Variants in PIP5K1B observed in about 807,000 individuals in gnomAD.
The protein encoded by PIP5K1B is phosphatidylinositol-4-phosphate 5-kinase type 1 beta.
PIP5K1B carries 42 observed loss-of-function variants against 67.0 expected under a neutral mutation model. The ratio of observed to expected loss-of-function variants is 0.63; its 90% CI spans 0.49 to 0.81. The LOEUF (loss-of-function observed/expected upper bound fraction) is 0.81, where lower values mean the gene tolerates loss of function less well. Ranked by LOEUF, PIP5K1B falls within the 30% of genes least tolerant of loss-of-function variation. The probability of loss-of-function intolerance (pLI) is 0.00; values close to 1 mark genes in which losing one functional copy is unlikely to be tolerated. For synonymous variants in PIP5K1B, 214 were observed against 231.4 expected, an observed-to-expected ratio of 0.92 and a Z score of 0.68; for missense variants, 459 against 646.3, an observed-to-expected ratio of 0.71 and a Z score of 3.14.
In PIP5K1B at chr9:68,888,969, T is replaced by C. The variant is rs985459523; in HGVS notation, c.319-12T>C. The C allele has an allele frequency of 1.6e-5, 26 of 1,582,652 alleles. No individual in the cohort carries two copies. Among genetic ancestry groups the C allele is most frequent in the Non-Finnish European group, 2.1e-5 (24 of 1,152,308 alleles). ...AGTATATGTTTTAATGTTTATTCAT[T>C]TACCCTTTTAGTATTCCATCTGCAG... is the stretch of plus-strand genomic sequence containing the variant. On this transcript the variant is annotated splice_polypyrimidine_tract_variant and intron_variant, in intron 6 of 15. Transcript: ENST00000265382.
At chr9:68,884,638 C>T (rs2132355684) in intron 6 of PIP5K1B, among the ~76,000 whole-genome samples, 1 of 148,510 alleles carries the variant, frequency 6.7e-6, no homozygotes. Flanking sequence ...GCACTTTAGC[C>T]TGGGTGGCAG....
At chr9:69,006,308 G>C (rs1224817102) in intron 15 of PIP5K1B, among the ~76,000 whole-genome samples, 3 of 152,140 alleles carry the variant, frequency 2.0e-5, no homozygotes, top group African/African-American at 7.2e-5. Context: ...CTGGGCCCTT[G>C]TATCTAGGGA....
Position 68,993,540 on chromosome 9 carries a change from C to T in PIP5K1B, c.1620+2283C>T, listed in dbSNP as rs117976532. Among the ~76,000 whole-genome samples the T allele has an allele frequency of 5.8e-4, 89 of 152,168 alleles. 1 individual carries two copies. Among genetic ancestry groups the T allele is most frequent in the Non-Finnish European group, 1.1e-3 (75 of 68,020 alleles). On this transcript the variant is annotated intron_variant, in intron 15 of 15. Coordinates refer to ENST00000265382, the MANE Select transcript of PIP5K1B (RefSeq NM_003558.4). ...AATTTTTTTGCACTGAGCAATGCTC[C>T]ACCCTACCATTGCCCCCGCTTTAAA...
chr9:68,725,904 G>A (rs1387636073), intron 1 of PIP5K1B, among the ~76,000 whole-genome samples: 4 of 152,124 alleles, frequency 2.6e-5, no homozygotes, highest in South Asian at 2.1e-4. Flanking sequence ...CCAACTTATC[G>A]TATCTTCTGA....
intron 4 of PIP5K1B, among the ~76,000 whole-genome samples, chr9:68,825,377 A>ATGATGCATGAGT (rs1833929144): frequency 1.3e-5 from 2 of 152,218 alleles, no homozygotes; most frequent in African/African-American, 4.8e-5. Flanking sequence ...TTCCACCAGC[A>ATGATGCATGAGT]TGATGCATGA....
chr9:68,968,715 A>T (rs7869281), intron 14 of PIP5K1B, among the ~76,000 whole-genome samples: 122,151 of 142,222 alleles, frequency 0.86, 53,163 homozygotes, highest in South Asian at 0.96. Context: ...ATATATATAT[A>T]TTTTTTTTTT....
chr9:68,888,640 G>C (rs1711885322), intron 6 of PIP5K1B, among the ~76,000 whole-genome samples: 7 of 152,172 alleles, frequency 4.6e-5, no homozygotes, highest in Admixed American at 4.6e-4. Flanking sequence ...ATCTTCACTT[G>C]TTATTTTATG....
intron 2 of PIP5K1B, among the ~76,000 whole-genome samples, chr9:68,791,815 A>G (rs527715005): frequency 1.3e-5 from 2 of 152,244 alleles, no homozygotes; most frequent in Non-Finnish European, 2.9e-5. Flanking sequence ...GTTCAAGTTT[A>G]AATCAAACTA....
At chr9:68,896,349 GA>G (rs34939621) in intron 8 of PIP5K1B, among the ~76,000 whole-genome samples, 65,512 of 137,744 alleles carry the variant, frequency 0.48, 14,427 homozygotes, top group South Asian at 0.53. Context: ...TTCTCTGCCA[GA>G]AAAAAAAAAA....
intron 6 of PIP5K1B, among the ~76,000 whole-genome samples, chr9:68,882,572 G>A (rs1824252006): frequency 6.6e-6 from 1 of 152,098 alleles, no homozygotes; most frequent in South Asian, 2.1e-4. Flanking sequence ...GGGAGCAGAT[G>A]TTCAGGTCTG....
At position 68,801,466 on chromosome 9, in the gene PIP5K1B, G is replaced by C. The variant is rs113367244; in HGVS notation, c.-85-16995G>C. 4.1e-3 allele frequency among the ~76,000 whole-genome samples: 617 copies of C among 152,254 alleles called. 3 individuals carry two copies. The highest frequency in any genetic ancestry group is 0.014 in the African/African-American group (563 of 41,530). On this transcript the variant is annotated intron_variant, in intron 2 of 15. Transcript: ENST00000265382. ...GGGTACATGTAATACTGAGACATCC[G>C]CACAGTGGTGGGTGTTGAGGCACCC...
intron 14 of PIP5K1B, among the ~76,000 whole-genome samples, chr9:68,947,639 G>T (rs1411030489): frequency 6.6e-6 from 1 of 152,210 alleles, no homozygotes; most frequent in Non-Finnish European, 1.5e-5. Context: ...TAGTGTGAGT[G>T]CAAGAACAGG....
At chr9:68,833,994 T>C (rs994382206) in intron 4 of PIP5K1B, among the ~76,000 whole-genome samples, 1 of 152,172 alleles carries the variant, frequency 6.6e-6, no homozygotes, top group African/African-American at 2.4e-5. Context: ...ATTGGTGAAA[T>C]AGATGGAGAA....
At position 68,940,801 on chromosome 9, in the gene PIP5K1B, G is replaced by A; in HGVS notation, c.1502+11G>A. ...ACTCTATTCAAACAGGTAATACTTA[G>A]TGCAGTCAAATAACCCATCAGGCTG... is the stretch of plus-strand genomic sequence containing the variant. On this transcript the variant is annotated intron_variant, in intron 14 of 15. Coordinates refer to ENST00000265382, the MANE Select transcript of PIP5K1B (RefSeq NM_003558.4). The A allele has an allele frequency of 1.2e-6, 2 of 1,612,888 alleles. No individual in the cohort carries two copies. Among genetic ancestry groups the A allele is most frequent in the Non-Finnish European group, 1.7e-6 (2 of 1,178,954 alleles).
At chr9:69,007,461 A>C (rs1353778729) in intron 15 of PIP5K1B, among the ~76,000 whole-genome samples, 4 of 152,222 alleles carry the variant, frequency 2.6e-5, no homozygotes, top group African/African-American at 9.6e-5. Flanking sequence ...GGAAAAATTT[A>C]TCCCTCACCA....
intron 13 of PIP5K1B, among the ~76,000 whole-genome samples, chr9:68,935,429 T>C (rs560127056): frequency 2.6e-5 from 4 of 152,222 alleles, no homozygotes; most frequent in South Asian, 2.1e-4. Context: ...GATTGCACCA[T>C]TGCATTCCAG....
intron 2 of PIP5K1B, among the ~76,000 whole-genome samples, chr9:68,750,185 T>A (rs1243699619): frequency 1.3e-5 from 2 of 152,244 alleles, no homozygotes; most frequent in Non-Finnish European, 2.9e-5. Flanking sequence ...GTTATAGAAC[T>A]AATGGCCATT....
At chr9:68,974,085 G>T (rs1046895447) in intron 14 of PIP5K1B, among the ~76,000 whole-genome samples, 5 of 152,152 alleles carry the variant, frequency 3.3e-5, no homozygotes, top group African/African-American at 1.2e-4. Context: ...GCCCAGGCTG[G>T]TTTCAAACTC....
chr9:68,713,459 T>G (rs1389172138), intron 1 of PIP5K1B, among the ~76,000 whole-genome samples: 1 of 152,148 alleles, frequency 6.6e-6, no homozygotes, highest in Non-Finnish European at 1.5e-5. Flanking sequence ...AGGACAGGCC[T>G]TCGGGTGATT....
Sources: gnomAD v4.1 joint callset for allele counts (sites outside exome capture counted in the v4.1 genomes callset) on GRCh38, gnomAD v4.1.1 for gene constraint, MANE v1.5 for transcripts, NCBI Gene and HGNC (gene_info 2026-07-23, HGNC 2026-07-21) for gene names.